The following ETV6 variants were observed in gnomAD, a reference collection of about 807,000 sequenced individuals.
ETV6 encodes the protein ETS variant transcription factor 6, also known as transcription factor ETV6.
ETV6 carries 16 observed loss-of-function variants against 51.1 expected under a neutral mutation model. That is an observed-to-expected ratio of 0.31 (90% confidence interval 0.21 to 0.48). The LOEUF is 0.48. ETV6 is among the 20% of genes least tolerant of loss of function. The pLI, the probability that ETV6 is intolerant of heterozygous loss-of-function variation, is 0.99. For missense variants in ETV6, 458 were observed against 594.8 expected (o/e 0.77, Z 2.39); for synonymous variants, 240 against 224.1 (o/e 1.07, Z -0.64).
chr12:11,670,349 C>T (rs1269817814), intron 1 of ETV6, among the ~76,000 whole-genome samples: 5 of 152,160 alleles, frequency 3.3e-5, no homozygotes, highest in African/African-American at 1.2e-4. Context: ...TGATATGAGT[C>T]TTACTTCGTT....
chr12:11,763,871 T>C (rs1041321286), intron 2 of ETV6, among the ~76,000 whole-genome samples: 6 of 152,236 alleles, frequency 3.9e-5, no homozygotes, highest in Non-Finnish European at 5.9e-5. Context: ...TAAACCTTTA[T>C]TGTTCAGATA....
chr12:11,687,249 C>T (rs1236928036), intron 1 of ETV6, among the ~76,000 whole-genome samples: 2 of 139,450 alleles, frequency 1.4e-5, no homozygotes, highest in Non-Finnish European at 3.1e-5. Flanking sequence ...CAACCTCCGG[C>T]TCCCCGCTCC....
intron 1 of ETV6, among the ~76,000 whole-genome samples, chr12:11,751,184 G>C (rs1164954649): frequency 3.3e-5 from 5 of 152,148 alleles, no homozygotes; most frequent in Non-Finnish European, 4.4e-5. Flanking sequence ...GACTTTCTAG[G>C]CTATGAGCAG....
chr12:11,734,516 CAA>C (rs1043955081), intron 1 of ETV6, among the ~76,000 whole-genome samples: 2 of 68,514 alleles, frequency 2.9e-5, no homozygotes, highest in Non-Finnish European at 3.4e-5. Context: ...CTGAGATGAG[CAA>C]AAAAAAAAAA....
At chr12:11,780,788 G>A (rs944846509) in intron 2 of ETV6, among the ~76,000 whole-genome samples, 9 of 152,212 alleles carry the variant, frequency 5.9e-5, no homozygotes, top group Admixed American at 5.9e-4. Flanking sequence ...TCCCCCACAT[G>A]CGGTATGTGG....
intron 1 of ETV6, among the ~76,000 whole-genome samples, chr12:11,670,837 C>T (rs1864299751): frequency 6.6e-6 from 1 of 152,208 alleles, no homozygotes; most frequent in South Asian, 2.1e-4. Flanking sequence ...TCAGTAAGTA[C>T]TACACTTTGA....
At chr12:11,707,218 G>GA (rs1224398296) in intron 1 of ETV6, among the ~76,000 whole-genome samples, 1 of 151,678 alleles carries the variant, frequency 6.6e-6, no homozygotes. Flanking sequence ...TGTTGGAGAG[G>GA]AAAAAAAATC....
At chr12:11,734,730 C>T (rs745422750) in intron 1 of ETV6, among the ~76,000 whole-genome samples, 3 of 152,112 alleles carry the variant, frequency 2.0e-5, no homozygotes, top group Non-Finnish European at 2.9e-5. Context: ...GTTGCTATTA[C>T]TCCATTTTAT....
intron 1 of ETV6, among the ~76,000 whole-genome samples, chr12:11,696,169 T>G (rs1864875115): frequency 6.6e-6 from 1 of 152,118 alleles, no homozygotes; most frequent in Non-Finnish European, 1.5e-5. Flanking sequence ...TTCAAGAGTT[T>G]TTATTTCTTT....
At chr12:11,702,172 T>G (rs760407320) in intron 1 of ETV6, among the ~76,000 whole-genome samples, 1 of 152,056 alleles carries the variant, frequency 6.6e-6, no homozygotes, top group Non-Finnish European at 1.5e-5. Context: ...GTTGCAGCAT[T>G]TTAGGCCAGA....
chr12:11,799,837 C>T (rs1945722538), intron 2 of ETV6, among the ~76,000 whole-genome samples: 1 of 152,174 alleles, frequency 6.6e-6, no homozygotes, highest in African/African-American at 2.4e-5. Flanking sequence ...ATGATCACTG[C>T]TCACTGCAGC....
At chr12:11,734,910 A>G (rs930375542) in intron 1 of ETV6, among the ~76,000 whole-genome samples, 6 of 152,164 alleles carry the variant, frequency 3.9e-5, no homozygotes, top group Admixed American at 6.5e-5. Context: ...ATCTAAGGAA[A>G]AGGAAAACGT....
intron 2 of ETV6, among the ~76,000 whole-genome samples, chr12:11,777,610 C>A (rs1484125954): frequency 6.6e-6 from 1 of 152,070 alleles, no homozygotes; most frequent in African/African-American, 2.4e-5. Context: ...GCGCTTAAAA[C>A]CCCTCCTTGT....
At chr12:11,857,441 G>A (rs775395097) in intron 4 of ETV6, among the ~76,000 whole-genome samples, 1 of 152,142 alleles carries the variant, frequency 6.6e-6, no homozygotes, top group African/African-American at 2.4e-5. Context: ...TCACATCATG[G>A]CTTGAGCAAA....
At position 11,666,847 on chromosome 12, in the gene ETV6, G is replaced by A. The variant is rs372216925; in HGVS notation, c.33+16687G>A. Among the ~76,000 whole-genome samples the A allele has an allele frequency of 2.0e-4, 30 of 152,334 alleles. No homozygotes were observed. The East Asian group carries it at 2.3e-3, about 12-fold the overall frequency. ...TACGCGGCAGCTGCCTGCCAGCCCT[G>A]CCAGATTTGACTTCATCTTGGCTGC... On this transcript the variant is annotated intron_variant, in intron 1 of 7. Coordinates refer to ENST00000396373, the MANE Select transcript of ETV6 (RefSeq NM_001987.5).
intron 1 of ETV6, among the ~76,000 whole-genome samples, chr12:11,738,123 C>T (rs1400061982): frequency 2.0e-5 from 3 of 151,888 alleles, no homozygotes; most frequent in Admixed American, 6.6e-5. Context: ...GGATTCCTTC[C>T]GGTGCAACAT....
intron 3 of ETV6, among the ~76,000 whole-genome samples, chr12:11,840,267 C>A (rs1270027807): frequency 6.6e-6 from 1 of 152,232 alleles, no homozygotes; most frequent in Non-Finnish European, 1.5e-5. Context: ...TCTCTACCTG[C>A]AGAGTGTATT....
chr12:11,810,009 C>T (rs1006875825), intron 2 of ETV6, among the ~76,000 whole-genome samples: 1 of 151,830 alleles, frequency 6.6e-6, no homozygotes, highest in Non-Finnish European at 1.5e-5. Context: ...TTAGGAGAGA[C>T]AGGGTTTCAC....
At chr12:11,738,275 TTC>T (rs907887867) in intron 1 of ETV6, among the ~76,000 whole-genome samples, 18 of 146,946 alleles carry the variant, frequency 1.2e-4, no homozygotes, top group African/African-American at 3.2e-4. Context: ...CTCTTTCTCT[TTC>T]TCTCTCTCTC....
Sources: gnomAD v4.1 joint callset for allele counts (sites outside exome capture counted in the v4.1 genomes callset) on GRCh38, gnomAD v4.1.1 for gene constraint, MANE v1.5 for transcripts, NCBI Gene and HGNC (gene_info 2026-07-23, HGNC 2026-07-21) for gene names.